COG5: variants seen among roughly 807,000 people sequenced by gnomAD.
The protein encoded by COG5 is component of oligomeric golgi complex 5.
COG5 carries 86 observed loss-of-function variants against 110.4 expected under a neutral mutation model. That is an observed-to-expected ratio of 0.78 (90% CI 0.65 to 0.93). COG5 has a LOEUF of 0.93. Ranked by LOEUF, COG5 falls within the 40% of genes least tolerant of loss-of-function variation. The probability of loss-of-function intolerance (pLI) is 0.00; values close to 1 mark genes in which losing one functional copy is unlikely to be tolerated. For missense variants in COG5, 1,077 were observed against 987.0 expected (o/e 1.09, Z -1.22); for synonymous variants, 360 against 334.6 (o/e 1.08, Z -0.83).
rs866258474 is a variant in COG5, at chr7:107,459,854, G to A, written c.539-47222C>T. 2.0e-5 allele frequency among the ~76,000 whole-genome samples: 3 copies of A among 151,248 alleles called. No individual in the cohort carries two copies. The East Asian group carries it at 5.8e-4, about 29-fold the overall frequency. On this transcript the variant is annotated intron_variant, in intron 6 of 21. Transcript: ENST00000297135. Reference sequence around the variant, plus strand: ...AAACATTATCGGTAAGGCTAGAGAAGATTGTACAATACTATCATTAACTTG... The same window carrying A: ...AAACATTATCGGTAAGGCTAGAGAAAATTGTACAATACTATCATTAACTTG...
chr7:107,350,742 G>A (rs1812067706), intron 10 of COG5, among the ~76,000 whole-genome samples: 1 of 152,148 alleles, frequency 6.6e-6, no homozygotes, highest in African/African-American at 2.4e-5. Flanking sequence ...TAAGGATCAT[G>A]TTAGCCACTA....
chr7:107,347,879 G>A (rs1392649168), intron 10 of COG5, among the ~76,000 whole-genome samples: 1 of 151,952 alleles, frequency 6.6e-6, no homozygotes, highest in Non-Finnish European at 1.5e-5. Context: ...GCAATCCCAG[G>A]ACTTTGGGAG....
At chr7:107,545,877 T>C (rs1802392880) in intron 5 of COG5, among the ~76,000 whole-genome samples, 1 of 150,874 alleles carries the variant, frequency 6.6e-6, no homozygotes, top group Non-Finnish European at 1.5e-5. Context: ...ACAAATAAAC[T>C]GAACAAATAC....
chr7:107,316,568 CT>C (rs1808763069), intron 11 of COG5, among the ~76,000 whole-genome samples: 3 of 147,786 alleles, frequency 2.0e-5, no homozygotes, highest in Admixed American at 1.4e-4. Context: ...AATCCCGGCA[CT>C]TTGGGAGGCC....
At chr7:107,562,091 G>C (rs1803842541) in intron 1 of COG5, among the ~76,000 whole-genome samples, 1 of 152,222 alleles carries the variant, frequency 6.6e-6, no homozygotes, top group Non-Finnish European at 1.5e-5. Flanking sequence ...AAATTCATAG[G>C]TTTGATGGGC....
chr7:107,291,383 G>C (rs1806158553), intron 12 of COG5, among the ~76,000 whole-genome samples: 1 of 152,112 alleles, frequency 6.6e-6, no homozygotes, highest in Admixed American at 6.6e-5. Context: ...GCCAAAACTG[G>C]GCATTTTAGA....
At chr7:107,369,194 A>G (rs1263626203) in intron 8 of COG5, among the ~76,000 whole-genome samples, 1 of 152,140 alleles carries the variant, frequency 6.6e-6, no homozygotes. Flanking sequence ...ATGGTCTGTC[A>G]TATTCTTAGG....
At position 107,203,482 on chromosome 7, in the gene COG5, G is replaced by T; in HGVS notation, c.*34C>A. ...TTAACTGCCAACTATGAATGGGTTA[G>T]CACAAAGTGGAGATGAACAAAGATT... On this transcript the variant is annotated 3_prime_UTR_variant, in exon 22 of 22. Transcript: ENST00000297135. The T allele has an allele frequency of 1.4e-6, 2 of 1,440,308 alleles. No individual in the cohort carries two copies. Among genetic ancestry groups the T allele is most frequent in the Non-Finnish European group, 2.0e-6 (2 of 1,021,718 alleles). The allele number at this position is 1,440,308 out of a possible 1,614,324, so 89.2% of individuals were successfully genotyped here.
chr7:107,287,525 A>G (rs1584624410), intron 12 of COG5, among the ~76,000 whole-genome samples: 1 of 152,220 alleles, frequency 6.6e-6, no homozygotes, highest in Non-Finnish European at 1.5e-5. Flanking sequence ...CTGAAAGTAT[A>G]CAATTTGATG....
chr7:107,283,846 A>G, intron 12 of COG5, 114 bp from the exon 13 acceptor site: 1 of 725,024 alleles, frequency 1.4e-6, no homozygotes, highest in Non-Finnish European at 2.4e-6. Context: ...ATGTAACTCT[A>G]TATTAAGAAA....
intron 7 of COG5, among the ~76,000 whole-genome samples, chr7:107,393,325 C>T (rs1311120014): frequency 2.6e-5 from 4 of 152,194 alleles, no homozygotes; most frequent in African/African-American, 9.7e-5. Flanking sequence ...TCTTGGTACT[C>T]TGTGCCCCTA....
At chr7:107,253,327 C>A (rs1411193484) in intron 16 of COG5, 4 of 152,062 alleles carry the variant, frequency 2.6e-5, no homozygotes, top group African/African-American at 9.7e-5. Flanking sequence ...TTCCTATGCT[C>A]TTTACAAAGC....
chr7:107,205,894 G>T (rs1200298540), intron 21 of COG5, among the ~76,000 whole-genome samples: 2 of 152,102 alleles, frequency 1.3e-5, no homozygotes, highest in Non-Finnish European at 2.9e-5. Flanking sequence ...GGTCAGGGCA[G>T]GAGTACTTTA....
chr7:107,208,639 T>C (rs1798936397), intron 21 of COG5: 1 of 985,324 alleles, frequency 1.0e-6, no homozygotes, highest in East Asian at 1.1e-4. Context: ...CGAGGGCAGA[T>C]TTTACCAGGA....
intron 6 of COG5, among the ~76,000 whole-genome samples, chr7:107,520,732 T>A (rs1800263382): frequency 6.6e-6 from 1 of 152,324 alleles, no homozygotes; most frequent in East Asian, 1.9e-4. Context: ...AAGTAATTTA[T>A]AGATTCAATG....
chr7:107,356,954 A>G (rs745540106), intron 10 of COG5, among the ~76,000 whole-genome samples: 6 of 152,298 alleles, frequency 3.9e-5, no homozygotes, highest in Non-Finnish European at 7.4e-5. Context: ...CCTTGAAAAG[A>G]GGTTAGAAAA....
At chr7:107,284,320 A>T (rs1805446011) in intron 12 of COG5, among the ~76,000 whole-genome samples, 1 of 152,212 alleles carries the variant, frequency 6.6e-6, no homozygotes, top group Non-Finnish European at 1.5e-5. Context: ...AAACTAAAAG[A>T]ATAACAGTAA....
intron 11 of COG5, among the ~76,000 whole-genome samples, chr7:107,300,893 G>T (rs1044715983): frequency 6.6e-6 from 1 of 152,106 alleles, no homozygotes; most frequent in Non-Finnish European, 1.5e-5. Flanking sequence ...AATACAACCT[G>T]ATTTCAAGAC....
intron 12 of COG5, among the ~76,000 whole-genome samples, chr7:107,290,825 C>A (rs1393518580): frequency 6.7e-6 from 1 of 149,576 alleles, no homozygotes; most frequent in Non-Finnish European, 1.5e-5. Context: ...GGGAAGGGGG[C>A]GTGGGGAGTG....
Sources: gnomAD v4.1 joint callset for allele counts (sites outside exome capture counted in the v4.1 genomes callset) on GRCh38, gnomAD v4.1.1 for gene constraint, MANE v1.5 for transcripts, NCBI Gene and HGNC (gene_info 2026-07-23, HGNC 2026-07-21) for gene names.